ZDHHC9: variants seen among roughly 807,000 people sequenced by gnomAD.
ZDHHC9 encodes the protein zDHHC palmitoyltransferase 9.
A neutral mutation model predicts 26.6 loss-of-function variants in ZDHHC9; 3 were observed. The ratio of observed to expected loss-of-function variants is 0.11; its 90% CI spans 0.05 to 0.29. The LOEUF is 0.29. ZDHHC9 is among the 10% of genes least tolerant of loss of function. The pLI is 1.00. For synonymous variants in ZDHHC9, 111 were observed against 109.4 expected (o/e 1.01, Z -0.09); for missense variants, 146 against 296.4 (o/e 0.49, Z 3.73).
chrX:129,836,504 C>T (rs1246928087), intron 3 of ZDHHC9, among the ~76,000 whole-genome samples: 3 of 111,782 alleles, frequency 2.7e-5, no homozygotes, highest in Admixed American at 9.5e-5. Flanking sequence ...CGGCTGGTCT[C>T]GAACTCCTGA....
chrX:129,834,310 A>G lies in ZDHHC9; in HGVS notation c.168-5169T>C, dbSNP rs923795553. ...ATGGTAGTTTCTTACAGCAGCCAGA[A>G]CAGACTAAGACACTACCTCTAGAAG... On this transcript the variant is annotated intron_variant, in intron 3 of 10. Coordinates refer to ENST00000357166, the MANE Select transcript of ZDHHC9 (RefSeq NM_016032.4). Among the ~76,000 whole-genome samples the G allele has an allele frequency of 1.1e-4, 12 of 111,566 alleles. No individual in the cohort carries two copies. The Admixed American group carries it at 1.1e-3, about 11-fold the overall frequency.
At chrX:129,813,978 C>G (rs907461515) in intron 6 of ZDHHC9, among the ~76,000 whole-genome samples, 2 of 112,089 alleles carry the variant, frequency 1.8e-5, no homozygotes, top group African/African-American at 6.5e-5. Flanking sequence ...GGCTCCCTTC[C>G]CTTTTCCCTA....
At chrX:129,815,363 C>T (rs758881938) in intron 5 of ZDHHC9, among the ~76,000 whole-genome samples, 2 of 111,497 alleles carry the variant, frequency 1.8e-5, no homozygotes, top group African/African-American at 6.5e-5. Context: ...AAATAAGGAT[C>T]GATTTTTTTG....
intron 10 of ZDHHC9, among the ~76,000 whole-genome samples, chrX:129,810,674 A>T (rs112095672): frequency 0.061 from 6,804 of 111,732 alleles, 509 homozygotes; most frequent in African/African-American, 0.21. Flanking sequence ...CATTGGTATA[A>T]CCCTGGCAGC....
At chrX:129,810,088 C>T (rs1209127630) in intron 10 of ZDHHC9, among the ~76,000 whole-genome samples, 18 of 109,137 alleles carry the variant, frequency 1.6e-4, no homozygotes, top group African/African-American at 4.3e-4. Context: ...CGGTGGCTCA[C>T]GCCTGTAATC....
At chrX:129,823,555 C>G in intron 5 of ZDHHC9, 124 bp downstream of exon 5, 1 of 832,650 alleles carries the variant, frequency 1.2e-6, no homozygotes, top group Admixed American at 2.4e-5. Flanking sequence ...CTAAATTTCC[C>G]TATCTAAATC....
Position 129,811,468 on chromosome X carries a change from G to A in ZDHHC9, c.819C>T (p.Pro273=), listed in dbSNP as rs1330819566. 3 of 1,208,644 alleles carry A rather than the reference G, an allele frequency of 2.5e-6. No homozygotes were observed. Among genetic ancestry groups the A allele is most frequent in the Non-Finnish European group, 2.2e-6 (2 of 894,629 alleles). The change falls in exon 9 of 11, where the codon CCC becomes CCT. Residue 273 remains proline, a synonymous_variant. Transcript: ENST00000357166. The part of the protein sequence containing the change: ...SWTGKNRVQN[P]YSHGNIVKNC... ...TCTTCACAATATTGCCATGGCTGTA[G>A]GGATTCTGGACGCGATTCTTCCCTG...
chrX:129,811,273 C>T, intron 9 of ZDHHC9, 133 bp downstream of exon 9: 1 of 547,294 alleles, frequency 1.8e-6, no homozygotes, highest in Non-Finnish European at 3.1e-6. Flanking sequence ...AGACATGGTA[C>T]CAAGTGGCAA....
At position 129,804,451 on chromosome X, in the gene ZDHHC9, T is replaced by C. The variant is rs757857731; in HGVS notation, c.*1919A>G. On this transcript the variant is annotated 3_prime_UTR_variant, in exon 11 of 11. Transcript: ENST00000357166. ...GGAAAAAGGTCTGGGAGCAGCCAAATTTCATTAATTCCAATTAACTGGGAA... is the reference window on the plus strand; with the variant it reads ...GGAAAAAGGTCTGGGAGCAGCCAAACTTCATTAATTCCAATTAACTGGGAA... The C allele has an allele frequency of 9.0e-6, 1 of 111,262 alleles. No individual in the cohort carries two copies. The highest frequency in any genetic ancestry group is 2.8e-4 in the East Asian group (1 of 3,556). 9.2% of individuals were successfully genotyped at this position (111,262 alleles called of 1,213,427 possible).
chrX:129,836,558 TACAGGCATGAGCC>T (rs1928266560), intron 3 of ZDHHC9, among the ~76,000 whole-genome samples: 1 of 112,432 alleles, frequency 8.9e-6, no homozygotes, highest in South Asian at 3.6e-4. Context: ...GTGCTGGGAT[TACAGGCATGAGCC>T]ACTGCGCCCA....
chrX:129,823,455 T>C, intron 5 of ZDHHC9: 1 of 412,188 alleles, frequency 2.4e-6, no homozygotes, highest in Non-Finnish European at 4.2e-6. Context: ...AAAGAGGTTT[T>C]TGTAAAGTTT....
intron 10 of ZDHHC9, among the ~76,000 whole-genome samples, chrX:129,806,875 T>C (rs1371158096): frequency 8.9e-6 from 1 of 111,806 alleles, no homozygotes; most frequent in African/African-American, 3.3e-5. Flanking sequence ...AGAATAGTGA[T>C]TCTGAACCAA....
At chrX:129,824,986 G>T (rs1039610962) in intron 4 of ZDHHC9, among the ~76,000 whole-genome samples, 7 of 112,367 alleles carry the variant, frequency 6.2e-5, no homozygotes, top group Non-Finnish European at 1.1e-4. Context: ...AGTAATGCTT[G>T]CTTATTGTAA....
Position 129,812,123 on chromosome X carries a change from G to T in ZDHHC9, c.777+595C>A, listed in dbSNP as rs182284175. Among the ~76,000 whole-genome samples, 473 of 103,172 alleles carry T rather than the reference G, an allele frequency of 4.6e-3. 2 individuals carry two copies. The highest frequency in any genetic ancestry group is 0.016 in the African/African-American group (441 of 28,011). The allele number at this position is 103,172 out of a possible 115,157, so 89.6% of individuals were successfully genotyped here. A position where few individuals can be genotyped will look rare whatever the true frequency, so the allele number is the denominator to read the frequency against. ...TTTCCAGACAGAGTCTCATTCTGTT[G>T]TCCAGGCTGGAGTGCAGTGGCGTGA... On this transcript the variant is annotated intron_variant, in intron 8 of 10. Transcript: ENST00000357166.
chrX:129,819,090 G>A (rs1224528624), intron 5 of ZDHHC9, among the ~76,000 whole-genome samples: 2 of 103,995 alleles, frequency 1.9e-5, no homozygotes, highest in African/African-American at 3.6e-5. Flanking sequence ...GAAGAATGGC[G>A]TGAACCCAGG....
chrX:129,832,810 A>T lies in ZDHHC9; in HGVS notation c.168-3669T>A, dbSNP rs955546607. ...AAATAAATAAATAAATAAATAAATA[A>T]ATACATAAGCCGGACGTGGTGGCAT... On this transcript the variant is annotated intron_variant, in intron 3 of 10. Transcript: ENST00000357166. Among the ~76,000 whole-genome samples the T allele has an allele frequency of 3.7e-5, 4 of 107,264 alleles. No homozygotes were observed. In the Admixed American group the frequency reaches 4.0e-4, roughly 11 times the overall value. The allele number at this position is 107,264 out of a possible 115,157, so 93.1% of individuals were successfully genotyped here.
intron 4 of ZDHHC9, among the ~76,000 whole-genome samples, chrX:129,824,928 C>T (rs1416448591): frequency 8.9e-6 from 1 of 112,136 alleles, no homozygotes; most frequent in African/African-American, 3.2e-5. Context: ...AAAATATATG[C>T]ATGTGAAAAG....
chrX:129,823,258 G>A, intron 5 of ZDHHC9: 1 of 158,301 alleles, frequency 6.3e-6, no homozygotes, highest in African/African-American at 3.1e-5. Flanking sequence ...ATATGTAGTA[G>A]AAACTCAATA....
In ZDHHC9 at chrX:129,831,118, C is replaced by T. The variant is rs909066543; in HGVS notation, c.168-1977G>A. Among the ~76,000 whole-genome samples, 8 of 111,387 alleles carry T rather than the reference C, an allele frequency of 7.2e-5. No individual in the cohort carries two copies. The Admixed American group carries it at 7.7e-4, about 11-fold the overall frequency. On this transcript the variant is annotated intron_variant, in intron 3 of 10. Coordinates refer to ENST00000357166, the MANE Select transcript of ZDHHC9 (RefSeq NM_016032.4). Reference sequence around the variant, plus strand: ...TTGTGGATTACCCTATTTTCCACTACTCCTTTTCACTGGTACAGATTAACC... The same window carrying T: ...TTGTGGATTACCCTATTTTCCACTATTCCTTTTCACTGGTACAGATTAACC...
Sources: gnomAD v4.1 joint callset for allele counts (sites outside exome capture counted in the v4.1 genomes callset) on GRCh38, gnomAD v4.1.1 for gene constraint, MANE v1.5 for transcripts, NCBI Gene and HGNC (gene_info 2026-07-23, HGNC 2026-07-21) for gene names.